CLEC16A: variants seen among roughly 807,000 people sequenced by gnomAD.
CLEC16A encodes the protein protein CLEC16A.
Under a neutral mutation model 109.5 loss-of-function variants are expected in CLEC16A, and 51 were observed. That is an observed-to-expected ratio of 0.47 (90% CI 0.37 to 0.59). The LOEUF (loss-of-function observed/expected upper bound fraction) is 0.59. Ranked by LOEUF, CLEC16A falls within the 20% of genes least tolerant of loss-of-function variation. The pLI, the probability that CLEC16A is intolerant of heterozygous loss-of-function variation, is 0.00. For missense variants in CLEC16A, 1,339 were observed against 1,394.0 expected (o/e 0.96, Z 0.63); for synonymous variants, 673 against 564.2 (o/e 1.19, Z -2.73).
chr16:11,126,505 AGT>A, intron 22 of CLEC16A: 2 of 956,948 alleles, frequency 2.1e-6, no homozygotes, highest in South Asian at 3.8e-5. Context: ...AGAAAGAGAG[AGT>A]GTGTTTGGTT....
chr16:11,148,685 G>A (rs1373472817), intron 22 of CLEC16A, among the ~76,000 whole-genome samples: 1 of 152,136 alleles, frequency 6.6e-6, no homozygotes, highest in African/African-American at 2.4e-5. Context: ...CCATACTCCA[G>A]CCTTTAGACT....
At chr16:10,985,070 G>A (rs527650928) in intron 10 of CLEC16A, among the ~76,000 whole-genome samples, 5 of 151,966 alleles carry the variant, frequency 3.3e-5, no homozygotes, top group African/African-American at 9.6e-5. Flanking sequence ...GGGCATGGTG[G>A]CAGGCGCCTG....
At chr16:10,972,813 C>G (rs2042855843) in intron 6 of CLEC16A, 125 bp from the exon 7 acceptor site, 2 of 1,024,036 alleles carry the variant, frequency 2.0e-6, no homozygotes, top group Admixed American at 6.0e-5. Context: ...CAGACAATTT[C>G]AGATTATAGC....
chr16:11,163,487 TTTTGTTTG>T (rs3830375), intron 22 of CLEC16A, among the ~76,000 whole-genome samples: 7 of 151,352 alleles, frequency 4.6e-5, no homozygotes, highest in East Asian at 3.9e-4. Flanking sequence ...TTGGTGATTT[TTTTGTTTG>T]TTTGTTTGTT....
chr16:11,146,289 A>G (rs200386560), intron 22 of CLEC16A, among the ~76,000 whole-genome samples: 1 of 152,178 alleles, frequency 6.6e-6, no homozygotes, highest in East Asian at 1.9e-4. Flanking sequence ...GTCCCATCCC[A>G]TTATCAAACT....
At chr16:11,151,360 C>T (rs1424100258) in intron 22 of CLEC16A, among the ~76,000 whole-genome samples, 2 of 152,228 alleles carry the variant, frequency 1.3e-5, no homozygotes, top group Non-Finnish European at 2.9e-5. Flanking sequence ...TAGGGGGATG[C>T]CCACCTGGTC....
chr16:11,076,536 T>C (rs2049385660), intron 19 of CLEC16A, among the ~76,000 whole-genome samples: 1 of 152,184 alleles, frequency 6.6e-6, no homozygotes, highest in Non-Finnish European at 1.5e-5. Flanking sequence ...TGGGTTCCCC[T>C]GCATCACACG....
At position 11,178,861 on chromosome 16, in the gene CLEC16A, G is replaced by T; in HGVS notation, c.*171G>T. On this transcript the variant is annotated 3_prime_UTR_variant, in exon 24 of 24. Coordinates refer to ENST00000409790, the MANE Select transcript of CLEC16A (RefSeq NM_015226.3). The surrounding 1 kb of genome is among the most constrained non-coding windows in gnomAD (Gnocchi z 6.5). ...TGGGAAGAAGCCCCACGTTGTCCTTGAATTCCTTTTTCACTTTGCATCTCT... is the reference window on the plus strand; with the variant it reads ...TGGGAAGAAGCCCCACGTTGTCCTTTAATTCCTTTTTCACTTTGCATCTCT... 2 of 560,088 alleles carry T rather than the reference G, an allele frequency of 3.6e-6. No homozygotes were observed. Among genetic ancestry groups the T allele is most frequent in the Non-Finnish European group, 6.2e-6 (2 of 323,592 alleles). 34.7% of individuals were successfully genotyped at this position (560,088 alleles called of 1,614,324 possible).
At chr16:11,117,212 G>A (rs750194901) in intron 19 of CLEC16A, among the ~76,000 whole-genome samples, 5 of 151,946 alleles carry the variant, frequency 3.3e-5, no homozygotes, top group African/African-American at 4.8e-5. Context: ...AAACTGTTGG[G>A]TACTATGCTC....
chr16:11,076,524 G>T (rs2049384941), intron 19 of CLEC16A, among the ~76,000 whole-genome samples: 1 of 152,138 alleles, frequency 6.6e-6, no homozygotes, highest in South Asian at 2.1e-4. Flanking sequence ...CCCTGAAGCT[G>T]CTGGGTTCCC....
chr16:10,967,753 G>A (rs1004859375), intron 3 of CLEC16A, among the ~76,000 whole-genome samples: 9 of 152,174 alleles, frequency 5.9e-5, no homozygotes, highest in Admixed American at 4.6e-4. Flanking sequence ...TGGGGCGTGG[G>A]GAGGGTCAGC....
chr16:10,982,790 C>G (rs748093051), intron 9 of CLEC16A, 88 bp from the exon 10 acceptor site: 4 of 737,534 alleles, frequency 5.4e-6, no homozygotes, highest in Middle Eastern at 2.3e-4. Flanking sequence ...ACTTAGGTAG[C>G]CCAGCCTGGT....
At chr16:11,132,454 A>G (rs2053278441) in intron 22 of CLEC16A, among the ~76,000 whole-genome samples, 1 of 151,858 alleles carries the variant, frequency 6.6e-6, no homozygotes, top group African/African-American at 2.4e-5. Flanking sequence ...TTCCACCTTC[A>G]TCCATCAATG....
At chr16:11,153,815 T>C (rs2054393485) in intron 22 of CLEC16A, among the ~76,000 whole-genome samples, 1 of 152,156 alleles carries the variant, frequency 6.6e-6, no homozygotes, top group African/African-American at 2.4e-5. Flanking sequence ...AAACTACAAA[T>C]GCATAATAGC....
chr16:10,983,846 T>A (rs1461077155), intron 10 of CLEC16A, among the ~76,000 whole-genome samples: 1 of 151,848 alleles, frequency 6.6e-6, no homozygotes, highest in Non-Finnish European at 1.5e-5. Context: ...GGTTCCCTCT[T>A]TTCAAAGGTC....
intron 19 of CLEC16A, among the ~76,000 whole-genome samples, chr16:11,073,249 G>T (rs2049168665): frequency 6.6e-6 from 1 of 152,116 alleles, no homozygotes; most frequent in Non-Finnish European, 1.5e-5. Flanking sequence ...AGGAAGCACA[G>T]TCCTCAGTCC....
intron 10 of CLEC16A, among the ~76,000 whole-genome samples, chr16:10,985,080 G>T (rs2043547802): frequency 6.6e-6 from 1 of 151,884 alleles, no homozygotes; most frequent in Admixed American, 6.6e-5. Flanking sequence ...GCAGGCGCCT[G>T]CAGTCTCAGC....
chr16:11,080,144 C>T (rs2049619152), intron 19 of CLEC16A, among the ~76,000 whole-genome samples: 3 of 152,210 alleles, frequency 2.0e-5, no homozygotes, highest in African/African-American at 4.8e-5. Flanking sequence ...TTTCCTCACC[C>T]ACTCCCGTGC....
chr16:11,076,022 T>A (rs1046532101), intron 19 of CLEC16A, among the ~76,000 whole-genome samples: 2 of 152,162 alleles, frequency 1.3e-5, no homozygotes, highest in Admixed American at 1.3e-4. Flanking sequence ...AAGCATCACA[T>A]AGATAGAGAA....
Sources: gnomAD v4.1 joint callset for allele counts (sites outside exome capture counted in the v4.1 genomes callset) on GRCh38, gnomAD v4.1.1 for gene constraint, Gnocchi (gnomAD v3.1) non-coding constraint, MANE v1.5 for transcripts, NCBI Gene and HGNC (gene_info 2026-07-23, HGNC 2026-07-21) for gene names.